Variants in WDR70 observed in about 807,000 individuals in gnomAD.
WDR70 encodes the protein WD repeat-containing protein 70.
In WDR70, 53 loss-of-function variants were observed where a neutral mutation model predicts 88.6. The ratio of observed to expected loss-of-function variants is 0.60; its 90% CI spans 0.48 to 0.75. WDR70 has a LOEUF of 0.75. Ranked by LOEUF, WDR70 falls within the 30% of genes least tolerant of loss-of-function variation. The pLI, the probability that WDR70 is intolerant of heterozygous loss-of-function variation, is 0.00. For missense variants in WDR70, 610 were observed against 823.2 expected (o/e 0.74, Z 3.17); for synonymous variants, 280 against 270.0 (o/e 1.04, Z -0.36).
At chr5:37,461,405 A>T (rs1738998975) in intron 7 of WDR70, among the ~76,000 whole-genome samples, 1 of 151,958 alleles carries the variant, frequency 6.6e-6, no homozygotes, top group South Asian at 2.1e-4. Context: ...AGTTTGAGGG[A>T]GCTGGGGCTG....
At chr5:37,390,337 T>TA (rs1473652813) in intron 3 of WDR70, among the ~76,000 whole-genome samples, 1 of 92,394 alleles carries the variant, frequency 1.1e-5, no homozygotes, top group African/African-American at 4.0e-5. Context: ...GCCTATAATA[T>TA]AAATTTTTTT....
At chr5:37,751,249 A>G (rs972672024) in intron 17 of WDR70, among the ~76,000 whole-genome samples, 1 of 152,204 alleles carries the variant, frequency 6.6e-6, no homozygotes, top group African/African-American at 2.4e-5. Flanking sequence ...GAATTCAGCA[A>G]CTTATGGCCT....
At chr5:37,446,713 G>A (rs7379054) in intron 7 of WDR70, among the ~76,000 whole-genome samples, 131,558 of 151,878 alleles carry the variant, frequency 0.87, 60,041 homozygotes, top group East Asian at 1. Flanking sequence ...TTAATAAATG[G>A]TGCTGGGAAA....
intron 10 of WDR70, among the ~76,000 whole-genome samples, chr5:37,616,536 C>T (rs75173711): frequency 6.6e-5 from 10 of 152,238 alleles, no homozygotes; most frequent in South Asian, 4.1e-4. Flanking sequence ...ACAAGCCCCC[C>T]GCTGCTGGTA....
At chr5:37,393,823 G>A (rs1333975799) in intron 4 of WDR70, among the ~76,000 whole-genome samples, 2 of 152,056 alleles carry the variant, frequency 1.3e-5, no homozygotes, top group East Asian at 3.9e-4. Context: ...TGGTACTACA[G>A]GTGTGTGCCA....
At chr5:37,386,924 C>T (rs914929512) in intron 3 of WDR70, among the ~76,000 whole-genome samples, 9 of 151,866 alleles carry the variant, frequency 5.9e-5, no homozygotes, top group African/African-American at 2.2e-4. Flanking sequence ...GGGATGAAAC[C>T]CTGTCTCTAC....
chr5:37,488,858 C>CT (rs1387538634), intron 8 of WDR70, among the ~76,000 whole-genome samples: 1 of 152,072 alleles, frequency 6.6e-6, no homozygotes, highest in Non-Finnish European at 1.5e-5. Context: ...CTTTTCCTTG[C>CT]TTTTTTGTGT....
intron 9 of WDR70, among the ~76,000 whole-genome samples, chr5:37,529,501 A>G (rs909302266): frequency 6.6e-6 from 1 of 151,910 alleles, no homozygotes; most frequent in Non-Finnish European, 1.5e-5. Flanking sequence ...TTTTTTCAGT[A>G]GTGTTTTGTA....
At chr5:37,666,810 G>A (rs1213375682) in intron 10 of WDR70, among the ~76,000 whole-genome samples, 1 of 152,106 alleles carries the variant, frequency 6.6e-6, no homozygotes, top group Non-Finnish European at 1.5e-5. Flanking sequence ...TCAAATCCTG[G>A]CTCTGCCCCT....
intron 7 of WDR70, among the ~76,000 whole-genome samples, chr5:37,474,251 T>C (rs1383216579): frequency 2.0e-5 from 3 of 152,224 alleles, no homozygotes; most frequent in African/African-American, 4.8e-5. Flanking sequence ...TTTGCATATG[T>C]CAATTTTTTA....
At chr5:37,393,330 G>A (rs372838677) in intron 4 of WDR70, among the ~76,000 whole-genome samples, 14 of 152,282 alleles carry the variant, frequency 9.2e-5, no homozygotes, top group South Asian at 6.2e-4. Flanking sequence ...GTGAGTCACC[G>A]CGCCCAGCGT....
chr5:37,424,289 G>A (rs1357131131), intron 5 of WDR70, among the ~76,000 whole-genome samples: 4 of 150,618 alleles, frequency 2.7e-5, no homozygotes, highest in Non-Finnish European at 5.9e-5. Flanking sequence ...TGCCTAGGTA[G>A]CATGCAGTAA....
intron 4 of WDR70, among the ~76,000 whole-genome samples, chr5:37,395,247 A>G (rs903662780): frequency 1.3e-5 from 2 of 152,104 alleles, no homozygotes; most frequent in African/African-American, 4.8e-5. Context: ...CCTTAGTGAG[A>G]GTGTATAATA....
intron 10 of WDR70, among the ~76,000 whole-genome samples, chr5:37,636,907 A>G (rs1475542290): frequency 6.6e-6 from 1 of 152,212 alleles, no homozygotes; most frequent in South Asian, 2.1e-4. Flanking sequence ...TAGATTAGCT[A>G]ATAGAATTCT....
At chr5:37,676,930 G>A (rs143537088) in intron 10 of WDR70, among the ~76,000 whole-genome samples, 1 of 152,064 alleles carries the variant, frequency 6.6e-6, no homozygotes, top group South Asian at 2.1e-4. Flanking sequence ...TTGGTCTATT[G>A]AGAGATTCAG....
intron 7 of WDR70, among the ~76,000 whole-genome samples, chr5:37,463,691 CTCTCT>C (rs1739079947): frequency 6.6e-6 from 1 of 152,242 alleles, no homozygotes; most frequent in Non-Finnish European, 1.5e-5. Context: ...TTGGCTTTCT[CTCTCT>C]TCTCTTTGAT....
At chr5:37,499,647 C>T (rs539556333) in intron 8 of WDR70, among the ~76,000 whole-genome samples, 1 of 144,436 alleles carries the variant, frequency 6.9e-6, no homozygotes, top group Admixed American at 7.0e-5. Flanking sequence ...TTCACTGCAG[C>T]CTCGCCAGCC....
chr5:37,727,023 T>C lies in WDR70; in HGVS notation c.1855T>C (p.Trp619Arg). ...HAKAAEDSPY[W>R]VSPAYSKTQP... ...CAAAGCAGCAGAAGACAGCCCATAT[T>C]GGGTTTCTCCAGCATATTCCAAGTG... is the stretch of plus-strand genomic sequence containing the variant. The change falls in exon 17 of 18, where the codon TGG (tryptophan) becomes CGG (arginine). Residue 619 changes from tryptophan to arginine, a missense_variant. Around this residue, in one of 4 missense-constraint regions of WDR70, gnomAD observed 70 missense variants for 139.2 expected, o/e 0.50. Coordinates refer to ENST00000265107, the MANE Select transcript of WDR70 (RefSeq NM_018034.4). 1 of 1,609,812 alleles carries C rather than the reference T, an allele frequency of 6.2e-7. No homozygotes were observed. Among genetic ancestry groups the C allele is most frequent in the Non-Finnish European group, 8.5e-7 (1 of 1,178,410 alleles).
intron 9 of WDR70, among the ~76,000 whole-genome samples, chr5:37,520,589 T>G (rs1429787598): frequency 1.3e-5 from 2 of 152,128 alleles, no homozygotes; most frequent in Non-Finnish European, 2.9e-5. Context: ...TAATATAGCA[T>G]GACTAGGTAA....
Sources: allele counts gnomAD v4.1 joint callset (sites outside exome capture counted in the v4.1 genomes callset), GRCh38; gene constraint gnomAD v4.1.1; regional missense constraint gnomAD v4.1.1; transcripts MANE v1.5; gene names NCBI Gene and HGNC (gene_info 2026-07-23, HGNC 2026-07-21).